Variants in LINGO2 observed in about 807,000 individuals in gnomAD.
The protein encoded by LINGO2 is leucine rich repeat and Ig domain containing 2.
In LINGO2, 14 loss-of-function variants were observed where a neutral mutation model predicts 30.6. The observed-to-expected ratio is 0.46, with a 90% CI of 0.30 to 0.72. The LOEUF (loss-of-function observed/expected upper bound fraction) is 0.72, where lower values mean the gene tolerates loss of function less well. Ranked by LOEUF, LINGO2 falls within the 30% of genes least tolerant of loss-of-function variation. The pLI, the probability that LINGO2 is intolerant of heterozygous loss-of-function variation, is 0.07. For synonymous variants in LINGO2, 317 were observed against 288.5 expected, an observed-to-expected ratio of 1.10 and a Z score of -1.00; for missense variants, 729 against 751.7, an observed-to-expected ratio of 0.97 and a Z score of 0.35.
chr9:29,148,992 C>G, the LINGO2 span, among the ~76,000 whole-genome samples: 1 of 152,122 alleles, frequency 6.6e-6, no homozygotes. Flanking sequence ...TCCTCCTCAT[C>G]TAATGTAAGA....
the LINGO2 span, chr9:27,939,226 T>A: frequency 1.3e-5 from 2 of 152,218 alleles, no homozygotes; most frequent in Non-Finnish European, 2.9e-5. Flanking sequence ...AAATGTTCTT[T>A]TGAAATATAT....
At chr9:28,773,436 G>T in the LINGO2 span, among the ~76,000 whole-genome samples, 1 of 151,878 alleles carries the variant, frequency 6.6e-6, no homozygotes, top group Admixed American at 6.6e-5. Context: ...TGTATGGTGA[G>T]GGGTACTGTG....
chr9:28,334,268 G>A (rs1304171827), intron 3 of LINGO2, among the ~76,000 whole-genome samples: 7 of 152,078 alleles, frequency 4.6e-5, no homozygotes, highest in Non-Finnish European at 2.9e-5. Context: ...TATGAGTGAC[G>A]AAACTCTATT....
At chr9:28,821,408 C>G in the LINGO2 span, among the ~76,000 whole-genome samples, 1 of 152,144 alleles carries the variant, frequency 6.6e-6, no homozygotes, top group Non-Finnish European at 1.5e-5. Flanking sequence ...TAATGTTCCT[C>G]CTGGTGGGAT....
intron 2 of LINGO2, among the ~76,000 whole-genome samples, chr9:28,463,110 C>A (rs1423028721): frequency 6.6e-6 from 1 of 150,804 alleles, no homozygotes; most frequent in Non-Finnish European, 1.5e-5. Context: ...TTTTTTTTTC[C>A]TATCAAAAGT....
chr9:28,723,561 G>GGC, the LINGO2 span, among the ~76,000 whole-genome samples: 1 of 152,090 alleles, frequency 6.6e-6, no homozygotes, highest in African/African-American at 2.4e-5. Context: ...ACAAAAGAGT[G>GGC]ACAGAAGCTG....
chr9:27,967,026 T>C (rs953392546), intron 5 of LINGO2, among the ~76,000 whole-genome samples: 6 of 152,178 alleles, frequency 3.9e-5, no homozygotes, highest in Non-Finnish European at 8.8e-5. Context: ...GAACAAAAGA[T>C]AATCTCTCTG....
At chr9:28,336,523 C>A (rs1284912058) in intron 3 of LINGO2, among the ~76,000 whole-genome samples, 1 of 152,038 alleles carries the variant, frequency 6.6e-6, no homozygotes, top group Non-Finnish European at 1.5e-5. Context: ...ACATCCTTTC[C>A]AGAAAATTTT....
intron 1 of LINGO2, among the ~76,000 whole-genome samples, chr9:28,668,824 C>T (rs1001466056): frequency 6.6e-5 from 10 of 152,002 alleles, no homozygotes; most frequent in Non-Finnish European, 1.3e-4. Flanking sequence ...ATTGGAAGAG[C>T]CCTATAAATG....
intron 3 of LINGO2, among the ~76,000 whole-genome samples, chr9:28,306,450 G>A (rs1017027544): frequency 2.0e-5 from 3 of 152,078 alleles, no homozygotes; most frequent in Non-Finnish European, 4.4e-5. Context: ...GAAATTTATA[G>A]CACTAAATGC....
chr9:28,816,297 C>CT, the LINGO2 span, among the ~76,000 whole-genome samples: 1 of 152,190 alleles, frequency 6.6e-6, no homozygotes, highest in Admixed American at 6.5e-5. Flanking sequence ...GAAAAGATTG[C>CT]TTTTCTCTGA....
the LINGO2 span, among the ~76,000 whole-genome samples, chr9:29,186,797 A>T: frequency 6.6e-6 from 1 of 152,132 alleles, no homozygotes; most frequent in Non-Finnish European, 1.5e-5. Context: ...CTCATTTATC[A>T]TATAGGGCTG....
the LINGO2 span, among the ~76,000 whole-genome samples, chr9:29,158,006 T>G: frequency 6.6e-6 from 1 of 152,068 alleles, no homozygotes; most frequent in Non-Finnish European, 1.5e-5. Flanking sequence ...AGATGCAACT[T>G]TCTGGATTCA....
intron 2 of LINGO2, among the ~76,000 whole-genome samples, chr9:28,413,454 AG>A (rs1235999022): frequency 6.6e-6 from 1 of 152,090 alleles, no homozygotes; most frequent in African/African-American, 2.4e-5. Flanking sequence ...ATTAAAGAAA[AG>A]TGATATGCGA....
chr9:28,741,089 T>G, the LINGO2 span, among the ~76,000 whole-genome samples: 2 of 151,732 alleles, frequency 1.3e-5, no homozygotes, highest in African/African-American at 2.4e-5. Flanking sequence ...GATCCAGGGG[T>G]GGGCCTGGGT....
chr9:28,959,281 C>T, the LINGO2 span, among the ~76,000 whole-genome samples: 1 of 151,900 alleles, frequency 6.6e-6, no homozygotes, highest in Non-Finnish European at 1.5e-5. Context: ...AAAATTATTT[C>T]TGGAAAATTA....
At chr9:29,080,519 C>G in the LINGO2 span, among the ~76,000 whole-genome samples, 1 of 152,092 alleles carries the variant, frequency 6.6e-6, no homozygotes, top group East Asian at 1.9e-4. Context: ...TTCTCTAGTT[C>G]TTTCAATTGT....
chr9:28,874,798 G>T, the LINGO2 span, among the ~76,000 whole-genome samples: 2 of 152,010 alleles, frequency 1.3e-5, no homozygotes, highest in African/African-American at 2.4e-5. Flanking sequence ...TCTAGCTTTT[G>T]GTAGTTAAAT....
chr9:28,941,328 G>A, the LINGO2 span, among the ~76,000 whole-genome samples: 1 of 152,102 alleles, frequency 6.6e-6, no homozygotes, highest in Non-Finnish European at 1.5e-5. Context: ...TAATTTTACT[G>A]TCATTCCTCA....
Sources: allele counts gnomAD v4.1 joint callset (sites outside exome capture counted in the v4.1 genomes callset), GRCh38; gene constraint gnomAD v4.1.1; transcripts MANE v1.5; gene names NCBI Gene and HGNC (gene_info 2026-07-23, HGNC 2026-07-21).